Variants in PCDHB13 observed in about 807,000 individuals in gnomAD.
PCDHB13 encodes protocadherin beta-13.
For missense variants in PCDHB13, 1,065 were observed against 1,016.7 expected, an observed-to-expected ratio of 1.05 and a Z score of -0.65; for synonymous variants, 515 against 450.7, an observed-to-expected ratio of 1.14 and a Z score of -1.81.
chr5:141,215,026 A>T lies in PCDHB13; in HGVS notation c.903A>T (p.Glu301Asp), dbSNP rs782666946. 1 of 1,614,044 alleles carries T rather than the reference A, an allele frequency of 6.2e-7. No individual in the cohort carries two copies. The highest frequency in any genetic ancestry group is 1.1e-5 in the South Asian group (1 of 91,076). Residue 301 changes from glutamate to aspartate, a missense_variant, in exon 1 of 1, where the codon GAA (glutamate) becomes GAT (aspartate). Coordinates refer to ENST00000341948, the MANE Select transcript of PCDHB13 (RefSeq NM_018933.4). Reference protein sequence around the residue: ...KTFKINPLTGEIELKKQLDFE... With the variant: ...KTFKINPLTGDIELKKQLDFE... Reference sequence around the variant, plus strand: ...TTAAGATCAATCCCTTGACAGGAGAAATTGAACTAAAAAAACAACTCGATT... The same window carrying T: ...TTAAGATCAATCCCTTGACAGGAGATATTGAACTAAAAAAACAACTCGATT...
rs1754659916 is a variant in PCDHB13, at chr5:141,218,335, C to A, written c.*1815C>A. The A allele has an allele frequency of 6.0e-6, 1 of 167,000 alleles. No individual in the cohort carries two copies. The highest frequency in any genetic ancestry group is 2.4e-5 in the African/African-American group (1 of 41,384). 10.3% of individuals were successfully genotyped at this position (167,000 alleles called of 1,614,324 possible). ...TTGATAATGCCAAGAAGTGCAATCT[C>A]TTTTAATAGCATATCTAAGACAACC... On this transcript the variant is annotated 3_prime_UTR_variant, in exon 1 of 1. Coordinates refer to ENST00000341948, the MANE Select transcript of PCDHB13 (RefSeq NM_018933.4).
At position 141,215,658 on chromosome 5, in the gene PCDHB13, A is replaced by G; in HGVS notation, c.1535A>G (p.His512Arg). Residue 512 changes from histidine to arginine, a missense_variant, in exon 1 of 1, where the codon CAC becomes CGC. By Grantham distance (29) the His-to-Arg change is conservative. Transcript: ENST00000341948. The part of the protein sequence containing the change: ...SLVSINADNG[H>R]LFALRSLDYE... ...GTCTCCATCAACGCGGACAACGGCCACCTGTTCGCCCTCAGGTCTCTGGAC... is the reference window on the plus strand; with the variant it reads ...GTCTCCATCAACGCGGACAACGGCCGCCTGTTCGCCCTCAGGTCTCTGGAC... The G allele has an allele frequency of 1.2e-6, 2 of 1,613,290 alleles. No individual in the cohort carries two copies. Among genetic ancestry groups the G allele is most frequent in the African/African-American group, 2.7e-5 (2 of 75,026 alleles).
In PCDHB13 at chr5:141,216,109, G is replaced by A. The variant is rs1554288106; in HGVS notation, c.1986G>A (p.Leu662=). The change falls in exon 1 of 1, where the codon CTG becomes CTA. Residue 662 remains leucine, a synonymous_variant. Transcript: ENST00000341948. The part of the protein sequence containing the change: ...RSATATLHVL[L]VDGFSQPYLP... The stretch of plus-strand genomic sequence containing the variant: ...CCACCGCCACGCTGCACGTGCTCCT[G>A]GTGGACGGCTTCTCCCAGCCCTACC... The A allele has an allele frequency of 8.7e-6, 14 of 1,608,810 alleles. No homozygotes were observed. Among genetic ancestry groups the A allele is most frequent in the Middle Eastern group, 2.1e-4 (1 of 4,818 alleles).
At position 141,214,194 on chromosome 5, in the gene PCDHB13, C is replaced by A. The variant is rs1754519634; in HGVS notation, c.71C>A (p.Ser24Tyr). 1 of 1,610,350 alleles carries A rather than the reference C, an allele frequency of 6.2e-7. No homozygotes were observed. The highest frequency in any genetic ancestry group is 1.1e-5 in the South Asian group (1 of 90,834). The change falls in exon 1 of 1, where the codon TCT (serine) becomes TAT (tyrosine). Residue 24 changes from serine to tyrosine, a missense_variant. Physicochemically the swap from Ser to Tyr is moderately radical, Grantham distance 144. Transcript: ENST00000341948. Reference protein sequence around the residue: ...VLFSFLLLGLSLAGAAEPRSY... With the variant: ...VLFSFLLLGLYLAGAAEPRSY... ...TTTTCCTTTCTCCTTTTGGGCTTAT[C>A]TCTGGCGGGCGCGGCGGAACCTAGA...
At position 141,216,638 on chromosome 5, in the gene PCDHB13, A is replaced by G. The variant is rs781973319; in HGVS notation, c.*118A>G. ...TACGGATTTACTCTTGATTTTTCTC[A>G]TGTTCTTTCTCCCTTTGTTTTAAAG... On this transcript the variant is annotated 3_prime_UTR_variant, in exon 1 of 1. Transcript: ENST00000341948. 245 of 936,484 alleles carry G rather than the reference A, an allele frequency of 2.6e-4. No individual in the cohort carries two copies. The highest frequency in any genetic ancestry group is 4.6e-5 in the Non-Finnish European group (26 of 564,304). 58.0% of individuals were successfully genotyped at this position (936,484 alleles called of 1,614,324 possible). A position where few individuals can be genotyped will look rare whatever the true frequency, so the allele number is the denominator to read the frequency against.
rs372749217 is a variant in PCDHB13 at position 141,216,179 on chromosome 5, C to G, written c.2056C>G (p.Leu686Val). ...AAPTQAQADL[L>V]TVYLVVALAS... ...CCCGACCCAGGCCCAGGCCGACTTG[C>G]TCACCGTCTACCTGGTGGTGGCGTT... Residue 686 changes from leucine (L) to valine (V), a missense_variant, in exon 1 of 1, where the codon CTC (leucine) becomes GTC (valine). By Grantham distance (32) the Leu-to-Val change is conservative. Transcript: ENST00000341948. The G allele has an allele frequency of 3.7e-5, 59 of 1,612,370 alleles. No individual in the cohort carries two copies. Among genetic ancestry groups the G allele is most frequent in the Non-Finnish European group, 4.9e-5 (58 of 1,179,866 alleles).
In PCDHB13 at chr5:141,215,678, C is replaced by T. The variant is rs1554287987; in HGVS notation, c.1555C>T (p.Leu519=). 4 of 1,613,208 alleles carry T rather than the reference C, an allele frequency of 2.5e-6. No individual in the cohort carries two copies. The highest frequency in any genetic ancestry group is 1.7e-5 in the Admixed American group (1 of 60,030). The change falls in exon 1 of 1, where the codon CTG becomes TTG. Residue 519 remains leucine (L), a synonymous_variant. Transcript: ENST00000341948. ...DNGHLFALRS[L]DYEALQGFQF... ...CGGCCACCTGTTCGCCCTCAGGTCT[C>T]TGGACTACGAGGCCCTGCAGGGGTT...
rs782266060 is a variant in PCDHB13, at chr5:141,216,902, T to G, written c.*382T>G. On this transcript the variant is annotated 3_prime_UTR_variant, in exon 1 of 1. Transcript: ENST00000341948. ...TCATTTGATTCTCTTTTTTTAGTCTTAAAATAATGACTCCTATTCAGACAT... is the reference window on the plus strand; with the variant it reads ...TCATTTGATTCTCTTTTTTTAGTCTGAAAATAATGACTCCTATTCAGACAT... 21 of 321,894 alleles carry G rather than the reference T, an allele frequency of 6.5e-5. No individual in the cohort carries two copies. Among genetic ancestry groups the G allele is most frequent in the Non-Finnish European group, 1.2e-4 (20 of 162,072 alleles). The allele number at this position is 321,894 out of a possible 1,614,324, so 19.9% of individuals were successfully genotyped here.
rs1554288279 is a variant in PCDHB13 at position 141,217,108 on chromosome 5, T to C, written c.*588T>C. ...CTTTCCTCATTCATCCTGGAGAGGA[T>C]TGTGCAGGCACATTAATATTGTGAC... On this transcript the variant is annotated 3_prime_UTR_variant, in exon 1 of 1. Transcript: ENST00000341948. 5.8e-6 allele frequency: 1 copy of C among 173,196 alleles called. No homozygotes were observed. The highest frequency in any genetic ancestry group is 1.4e-5 in the Non-Finnish European group (1 of 72,728). 10.7% of individuals were successfully genotyped at this position (173,196 alleles called of 1,614,324 possible). A position where few individuals can be genotyped will look rare whatever the true frequency, so the allele number is the denominator to read the frequency against.
rs782008788 is a variant in PCDHB13, at chr5:141,215,741, G to A, written c.1618G>A (p.Ala540Thr). 3.1e-6 allele frequency: 5 copies of A among 1,612,048 alleles called. No individual in the cohort carries two copies. The highest frequency in any genetic ancestry group is 1.7e-5 in the Admixed American group (1 of 59,984). ...GGGCGCTTCAGACCACGGCTCCCCG[G>A]CGCTGAGCAGCGAGGCGCTGGTGCG... is the stretch of plus-strand genomic sequence containing the variant. Reference protein sequence around the residue: ...RVGASDHGSPALSSEALVRVV... With the variant: ...RVGASDHGSPTLSSEALVRVV... The change falls in exon 1 of 1, where the codon GCG becomes ACG. Residue 540 changes from alanine to threonine, a missense_variant. Physicochemically the swap from Ala to Thr is moderately conservative, Grantham distance 58. Coordinates refer to ENST00000341948, the MANE Select transcript of PCDHB13 (RefSeq NM_018933.4).
rs782533602 is a variant in PCDHB13 at position 141,216,289 on chromosome 5, G to T, written c.2166G>T (p.Val722=). 1.2e-6 allele frequency: 2 copies of T among 1,613,978 alleles called. No homozygotes were observed. The highest frequency in any genetic ancestry group is 1.1e-5 in the South Asian group (1 of 91,060). Residue 722 remains valine, a synonymous_variant, in exon 1 of 1, where the codon GTG becomes GTT. Coordinates refer to ENST00000341948, the MANE Select transcript of PCDHB13 (RefSeq NM_018933.4). ...GTAGGAGGAGCAGGGCGGCCTCGGT[G>T]GGTCGCTGCTTGGTGCCCGAGGGCC... ...RLCRRSRAAS[V]GRCLVPEGPL...
At position 141,214,512 on chromosome 5, in the gene PCDHB13, A is replaced by G. The variant is rs374756139; in HGVS notation, c.389A>G (p.His130Arg). Reference protein sequence around the residue: ...AELQVIDINDHSPVFLDKQML... With the variant: ...AELQVIDINDRSPVFLDKQML... Reference sequence around the variant, plus strand: ...CTGCAAGTAATAGACATAAACGACCACTCTCCAGTATTTCTGGACAAACAA... The same window carrying G: ...CTGCAAGTAATAGACATAAACGACCGCTCTCCAGTATTTCTGGACAAACAA... Residue 130 changes from histidine (H) to arginine (R), a missense_variant, in exon 1 of 1, where the codon CAC (histidine) becomes CGC (arginine). His to Arg is a conservative substitution (Grantham distance 29, BLOSUM62 0). Coordinates refer to ENST00000341948, the MANE Select transcript of PCDHB13 (RefSeq NM_018933.4). 7 of 1,610,072 alleles carry G rather than the reference A, an allele frequency of 4.3e-6. No individual in the cohort carries two copies. The highest frequency in any genetic ancestry group is 4.5e-5 in the East Asian group (2 of 44,844).
rs369987000 is a variant in PCDHB13 at position 141,215,223 on chromosome 5, C to T, written c.1100C>T (p.Ala367Val). 8.7e-6 allele frequency: 14 copies of T among 1,614,144 alleles called. No homozygotes were observed. The South Asian group carries it at 9.9e-5, about 11-fold the overall frequency. ...GAGAACGCGCCTGAAACTGTGGTTG[C>T]ACTTTTCAGTGTTTCAGATCTTGAT... ...IPENAPETVV[A>V]LFSVSDLDSG... is the part of the protein sequence containing the mutation. Residue 367 changes from alanine to valine, a missense_variant, in exon 1 of 1, where the codon GCA becomes GTA. Transcript: ENST00000341948.
In PCDHB13 at chr5:141,216,220, G is replaced by A. The variant is rs1475218850; in HGVS notation, c.2097G>A (p.Ser699=). 1.9e-6 allele frequency: 3 copies of A among 1,612,702 alleles called. No individual in the cohort carries two copies. Among genetic ancestry groups the A allele is most frequent in the Non-Finnish European group, 1.7e-6 (2 of 1,179,910 alleles). Residue 699 remains serine (S), a synonymous_variant, in exon 1 of 1, where the codon TCG becomes TCA. Transcript: ENST00000341948. ...YLVVALASVS[S]LFLFSVLLFV... is the part of the protein sequence containing the mutation. The stretch of plus-strand genomic sequence containing the variant: ...TGGTGGCGTTGGCCTCGGTGTCTTC[G>A]CTCTTCCTCTTTTCGGTGCTCCTGT...
At position 141,217,931 on chromosome 5, in the gene PCDHB13, G is replaced by C. The variant is rs1381849539; in HGVS notation, c.*1411G>C. 1 of 166,978 alleles carries C rather than the reference G, an allele frequency of 6.0e-6. No homozygotes were observed. Among genetic ancestry groups the C allele is most frequent in the African/African-American group, 2.4e-5 (1 of 41,364 alleles). The allele number at this position is 166,978 out of a possible 1,614,324, so 10.3% of individuals were successfully genotyped here. A position where few individuals can be genotyped will look rare whatever the true frequency, so the allele number is the denominator to read the frequency against. On this transcript the variant is annotated 3_prime_UTR_variant, in exon 1 of 1. Transcript: ENST00000341948. ...CCAGTGCCACAGACTAGACTCAGTT[G>C]CTTCTCTTATGTTATTTTTTGAGAC... is the stretch of plus-strand genomic sequence containing the variant.
At position 141,215,049 on chromosome 5, in the gene PCDHB13, A is replaced by T. The variant is rs782402612; in HGVS notation, c.926A>T (p.Asp309Val). The T allele has an allele frequency of 6.2e-7, 1 of 1,614,124 alleles. No individual in the cohort carries two copies. Among genetic ancestry groups the T allele is most frequent in the Non-Finnish European group, 8.5e-7 (1 of 1,180,010 alleles). The part of the protein sequence containing the change: ...TGEIELKKQL[D>V]FEKLQSYEVN... ...GAAATTGAACTAAAAAAACAACTCG[A>T]TTTCGAAAAACTTCAGTCCTATGAA... The change falls in exon 1 of 1, where the codon GAT becomes GTT. Residue 309 changes from aspartate to valine, a missense_variant. Asp to Val is a radical substitution (Grantham distance 152). Coordinates refer to ENST00000341948, the MANE Select transcript of PCDHB13 (RefSeq NM_018933.4).
chr5:141,214,930 T>A lies in PCDHB13; in HGVS notation c.807T>A (p.Asp269Glu), dbSNP rs782392819. The change falls in exon 1 of 1, where the codon GAT (aspartate) becomes GAA (glutamate). Residue 269 changes from aspartate (D) to glutamate (E), a missense_variant. Transcript: ENST00000341948. ...GFLVVKVSAT[D>E]VDTGVNGEIS... ...TGGTTGTGAAGGTCTCTGCCACGGA[T>A]GTAGACACAGGAGTCAACGGAGAGA... is the stretch of plus-strand genomic sequence containing the variant. 6.2e-7 allele frequency: 1 copy of A among 1,614,216 alleles called. No individual in the cohort carries two copies. Among genetic ancestry groups the A allele is most frequent in the Non-Finnish European group, 8.5e-7 (1 of 1,180,036 alleles).
chr5:141,214,444 C>T lies in PCDHB13; in HGVS notation c.321C>T (p.Phe107=), dbSNP rs782663930. 5.3e-6 allele frequency: 8 copies of T among 1,512,874 alleles called. No individual in the cohort carries two copies. In the South Asian group the frequency reaches 9.0e-5, roughly 17 times the overall value. The allele number at this position is 1,512,874 out of a possible 1,614,324, so 93.7% of individuals were successfully genotyped here. Residue 107 remains phenylalanine (F), a synonymous_variant, in exon 1 of 1, where the codon TTC becomes TTT. Coordinates refer to ENST00000341948, the MANE Select transcript of PCDHB13 (RefSeq NM_018933.4). ...ACACAGAGCCCTGTGTGCTACGTTT[C>T]CAAGTGTTGCTAGAGAGTCCCTTCG... ...CGHTEPCVLR[F]QVLLESPFEF...
At position 141,215,914 on chromosome 5, in the gene PCDHB13, C is replaced by G. The variant is rs1430675020; in HGVS notation, c.1791C>G (p.Gly597=). The G allele has an allele frequency of 6.2e-7, 1 of 1,606,494 alleles. No individual in the cohort carries two copies. The highest frequency in any genetic ancestry group is 8.5e-7 in the Non-Finnish European group (1 of 1,178,970). The change falls in exon 1 of 1, where the codon GGC becomes GGG. Residue 597 remains glycine, a synonymous_variant. Coordinates refer to ENST00000341948, the MANE Select transcript of PCDHB13 (RefSeq NM_018933.4). ...TGGTGGCGGTGGACGGCGACTCGGG[C>G]CAGAACGCCTGGCTGTCGTACCAGC... ...TKVVAVDGDS[G]QNAWLSYQLL...
Sources: allele counts gnomAD v4.1 joint callset, GRCh38; gene constraint gnomAD v4.1.1; transcripts MANE v1.5; gene names NCBI Gene and HGNC (gene_info 2026-07-23, HGNC 2026-07-21).